CSMD1: variants seen among roughly 807,000 people sequenced by gnomAD.
CSMD1 encodes the protein CUB and Sushi multiple domains 1.
CSMD1 carries 213 observed loss-of-function variants against 417.5 expected under a neutral mutation model. The ratio of observed to expected loss-of-function variants is 0.51; its 90% CI spans 0.46 to 0.57. CSMD1 has a LOEUF of 0.57. Ranked by LOEUF, CSMD1 falls within the 20% of genes least tolerant of loss-of-function variation. The probability of loss-of-function intolerance (pLI) is 0.00; values close to 1 mark genes in which losing one functional copy is unlikely to be tolerated. For missense variants in CSMD1, 6,923 were observed against 4,529.7 expected, an observed-to-expected ratio of 1.53 and a Z score of -15.17; for synonymous variants, 2,862 against 1,736.8, an observed-to-expected ratio of 1.65 and a Z score of -16.11.
chr8:3,118,379 A>G lies in CSMD1; in HGVS notation c.6430+20T>C, dbSNP rs936337637. On this transcript the variant is annotated intron_variant, in intron 42 of 69. Transcript: ENST00000635120. ...GCCCATGAAACATTAAATCGCCCCC[A>G]TGCAAAGTGATGAACTTACCATCAC... 6.3e-7 allele frequency: 1 copy of G among 1,583,484 alleles called. No homozygotes were observed. Among genetic ancestry groups the G allele is most frequent in the South Asian group, 1.1e-5 (1 of 88,848 alleles).
chr8:4,266,797 A>T (rs1804256510), intron 3 of CSMD1, among the ~76,000 whole-genome samples: 1 of 104,860 alleles, frequency 9.5e-6, no homozygotes, highest in African/African-American at 2.6e-5. Flanking sequence ...CTAGATGAAA[A>T]CTTAAATAGT....
chr8:3,204,204 C>T (rs138486966), intron 31 of CSMD1, among the ~76,000 whole-genome samples: 6 of 152,042 alleles, frequency 3.9e-5, no homozygotes, highest in Admixed American at 6.6e-5. Flanking sequence ...AAATTATAAA[C>T]GATATTTAGG....
chr8:3,779,049 C>A (rs186453051), intron 5 of CSMD1, among the ~76,000 whole-genome samples: 3 of 152,060 alleles, frequency 2.0e-5, no homozygotes, highest in Admixed American at 1.3e-4. Context: ...GTTTTCATAA[C>A]AAATTACCAT....
At chr8:3,842,981 G>C (rs1210868164) in intron 5 of CSMD1, among the ~76,000 whole-genome samples, 2 of 152,108 alleles carry the variant, frequency 1.3e-5, no homozygotes, top group Non-Finnish European at 2.9e-5. Flanking sequence ...CAATTGTTTA[G>C]TTTGCTCAGT....
chr8:3,872,194 A>T (rs1380311844), intron 5 of CSMD1, among the ~76,000 whole-genome samples: 1 of 152,160 alleles, frequency 6.6e-6, no homozygotes, highest in Non-Finnish European at 1.5e-5. Context: ...GTTTAATGGA[A>T]ATGTGAGATC....
At chr8:3,163,946 T>C (rs1008825743) in intron 37 of CSMD1, among the ~76,000 whole-genome samples, 1 of 152,190 alleles carries the variant, frequency 6.6e-6, no homozygotes, top group African/African-American at 2.4e-5. Context: ...GAGCCTGATC[T>C]CTCATGCGTG....
At chr8:3,810,918 T>C (rs1261966246) in intron 5 of CSMD1, among the ~76,000 whole-genome samples, 1 of 152,170 alleles carries the variant, frequency 6.6e-6, no homozygotes, top group Non-Finnish European at 1.5e-5. Context: ...TGCTTCCTCA[T>C]TCAGCCCTTT....
At chr8:3,258,550 C>G (rs1425217994) in intron 26 of CSMD1, among the ~76,000 whole-genome samples, 1 of 152,102 alleles carries the variant, frequency 6.6e-6, no homozygotes, top group African/African-American at 2.4e-5. Flanking sequence ...CCTCAAAGAC[C>G]TAAAGACAGA....
In CSMD1 at chr8:4,325,607, C is replaced by T. The variant is rs1199455950; in HGVS notation, c.415+94346G>A. On this transcript the variant is annotated intron_variant, in intron 3 of 69. Coordinates refer to ENST00000635120, the MANE Select transcript of CSMD1 (RefSeq NM_033225.6). ...AGAATTATTATAGTAGGCAGGGCAA[C>T]ATGAAAGCATCTGAAGATTTTTTCC... Among the ~76,000 whole-genome samples the T allele has an allele frequency of 2.0e-5, 3 of 152,166 alleles. No individual in the cohort carries two copies. In the East Asian group the frequency reaches 5.8e-4, roughly 29 times the overall value.
At chr8:4,888,973 C>G (rs1037155015) in intron 1 of CSMD1, among the ~76,000 whole-genome samples, 2 of 152,024 alleles carry the variant, frequency 1.3e-5, no homozygotes, top group African/African-American at 2.4e-5. Context: ...ATTCCAATTT[C>G]CAAGCATCAA....
chr8:4,627,193 G>GCTAACATTGAA (rs2130830880), intron 2 of CSMD1, among the ~76,000 whole-genome samples: 1 of 152,184 alleles, frequency 6.6e-6, no homozygotes, highest in East Asian at 1.9e-4. Flanking sequence ...GCTACTCTTA[G>GCTAACATTGAA]AGGTTGAAAG....
chr8:4,078,937 ATATATG>A (rs1394218117), intron 3 of CSMD1, among the ~76,000 whole-genome samples: 824 of 18,508 alleles, frequency 0.045, 2 homozygotes, highest in South Asian at 0.092. Flanking sequence ...ATATATATAT[ATATATG>A]TATGTTGAAA....
intron 1 of CSMD1, among the ~76,000 whole-genome samples, chr8:4,974,109 C>T (rs1277071012): frequency 6.6e-6 from 1 of 152,154 alleles, no homozygotes; most frequent in Non-Finnish European, 1.5e-5. Flanking sequence ...CAATCTCCGC[C>T]TCTTGGGCTT....
At chr8:4,886,224 C>T (rs1304262377) in intron 1 of CSMD1, among the ~76,000 whole-genome samples, 1 of 152,030 alleles carries the variant, frequency 6.6e-6, no homozygotes, top group Non-Finnish European at 1.5e-5. Context: ...CTCCTGACCT[C>T]AAGCAAACCA....
At chr8:3,432,308 G>A (rs555322456) in intron 12 of CSMD1, among the ~76,000 whole-genome samples, 2 of 151,972 alleles carry the variant, frequency 1.3e-5, no homozygotes, top group African/African-American at 4.8e-5. Flanking sequence ...AAGATAGACG[G>A]TTAAAAGAAA....
chr8:4,637,752 G>A (rs543970735), intron 1 of CSMD1, among the ~76,000 whole-genome samples, 194 bp from the exon 2 acceptor site: 2 of 137,912 alleles, frequency 1.5e-5, no homozygotes, highest in African/African-American at 5.3e-5. Context: ...CTCACTGCAA[G>A]CTCCGCTTCC....
chr8:2,975,216 T>C (rs1804815243), intron 55 of CSMD1, among the ~76,000 whole-genome samples: 1 of 152,198 alleles, frequency 6.6e-6, no homozygotes, highest in African/African-American at 2.4e-5. Context: ...ATCTCATTAT[T>C]TCCCTTCATT....
intron 12 of CSMD1, among the ~76,000 whole-genome samples, chr8:3,423,853 A>G (rs1031595990): frequency 4.6e-5 from 7 of 152,150 alleles, no homozygotes; most frequent in African/African-American, 1.7e-4. Context: ...GGTGGAAGTC[A>G]CCTCCACCAG....
chr8:4,769,608 T>C (rs1272015339), intron 1 of CSMD1, among the ~76,000 whole-genome samples: 2 of 152,220 alleles, frequency 1.3e-5, no homozygotes, highest in African/African-American at 4.8e-5. Context: ...ATGAATATTC[T>C]AAGATAATTT....
Sources: gnomAD v4.1 joint callset for allele counts (sites outside exome capture counted in the v4.1 genomes callset) on GRCh38, gnomAD v4.1.1 for gene constraint, MANE v1.5 for transcripts, NCBI Gene and HGNC (gene_info 2026-07-23, HGNC 2026-07-21) for gene names.